Variants in MROH2A observed in about 807,000 individuals in gnomAD.
MROH2A encodes maestro heat-like repeat-containing protein family member 2A.
A neutral mutation model predicts 200.4 loss-of-function variants in MROH2A; 174 were observed. The ratio of observed to expected loss-of-function variants is 0.87; its 90% CI spans 0.77 to 0.98. The LOEUF (loss-of-function observed/expected upper bound fraction) is 0.98, where lower values mean the gene tolerates loss of function less well. Among genes scored for constraint, MROH2A ranks in the 50% least tolerant of loss-of-function variants. The pLI, the probability that MROH2A is intolerant of heterozygous loss-of-function variation, is 0.00. For missense variants in MROH2A, 2,045 were observed against 2,139.6 expected, an observed-to-expected ratio of 0.96 and a Z score of 0.87; for synonymous variants, 829 against 840.4, an observed-to-expected ratio of 0.99 and a Z score of 0.23.
Position 233,792,825 on chromosome 2 carries a change from AC to A in MROH2A, c.604del (p.Leu202TrpfsTer8). 6.5e-7 allele frequency: 1 copy of A among 1,550,284 alleles called. No individual in the cohort carries two copies. ...VFEFMPYMGI[T>X]LATIFTMLRL... is the part of the protein sequence containing the mutation. ...TGAGTTCATGCCATACATGGGCATC[AC>A]CCTGGCTACCATATTCACCATGCTG... On this transcript the variant is annotated frameshift_variant, in exon 6 of 42. Coordinates refer to ENST00000389758, the MANE Select transcript of MROH2A (RefSeq NM_001394639.1). LOFTEE classifies it high-confidence loss of function.
Position 233,795,806 on chromosome 2 carries a change from C to T in MROH2A, c.1059+61C>T, listed in dbSNP as rs528552858. On this transcript the variant is annotated intron_variant, in intron 9 of 41. Transcript: ENST00000389758. The stretch of plus-strand genomic sequence containing the variant: ...TCTGGGTGGATCAGCAGGAAGCTGG[C>T]GGCGGGAGGTGGCCTGGCCCACAAC... The T allele has an allele frequency of 6.4e-5, 99 of 1,550,250 alleles. 2 individuals carry two copies. The highest frequency in any genetic ancestry group is 3.3e-4 in the South Asian group (28 of 84,036).
At position 233,799,864 on chromosome 2, in the gene MROH2A, C is replaced by T. The variant is rs1352411210; in HGVS notation, c.1414C>T (p.Leu472=). ...AATCAAAGGCTGGGGCCTGAAGTACCTGTCTGTGCAGCTGACCTTATCCAC... is the reference window on the plus strand; with the variant it reads ...AATCAAAGGCTGGGGCCTGAAGTACTTGTCTGTGCAGCTGACCTTATCCAC... ...ERIKGWGLKY[L]SVQLTLSTYK... The change falls in exon 13 of 42, where the codon CTG becomes TTG. Residue 472 remains leucine, a synonymous_variant. Transcript: ENST00000389758. 6.4e-7 allele frequency: 1 copy of T among 1,550,454 alleles called. No homozygotes were observed. Among genetic ancestry groups the T allele is most frequent in the African/African-American group, 1.4e-5 (1 of 73,022 alleles).
chr2:233,800,935 GC>G (rs1228983136), intron 14 of MROH2A, among the ~76,000 whole-genome samples: 4 of 152,172 alleles, frequency 2.6e-5, no homozygotes, highest in Admixed American at 6.6e-5. Flanking sequence ...TCCAGCGACA[GC>G]TTTTTTTAAT....
chr2:233,800,177 G>A (rs1361083248), intron 13 of MROH2A, 28 bp from the exon 14 acceptor site: 6 of 1,491,202 alleles, frequency 4.0e-6, no homozygotes, highest in Non-Finnish European at 5.5e-6. Flanking sequence ...TAGGCCACAG[G>A]TGGGAATCCC....
At chr2:233,802,479 T>A in intron 15 of MROH2A, 164 bp downstream of exon 15, 1 of 741,902 alleles carries the variant, frequency 1.3e-6, no homozygotes, top group Non-Finnish European at 2.2e-6. Flanking sequence ...TATTAATGCC[T>A]ACCTGATCAT....
chr2:233,780,284 C>T (rs1559428752), intron 3 of MROH2A, among the ~76,000 whole-genome samples: 2 of 152,170 alleles, frequency 1.3e-5, no homozygotes, highest in South Asian at 2.1e-4. Flanking sequence ...GTTTGCATCA[C>T]GTGGTACCAG....
chr2:233,786,891 T>C (rs185329560), intron 3 of MROH2A, among the ~76,000 whole-genome samples: 1 of 152,354 alleles, frequency 6.6e-6, no homozygotes, highest in East Asian at 1.9e-4. Context: ...ATGAGAATTT[T>C]ACCTGTGCTT....
At chr2:233,796,655 C>T (rs150329302) in intron 11 of MROH2A, among the ~76,000 whole-genome samples, 208 of 152,302 alleles carry the variant, frequency 1.4e-3, no homozygotes, top group Non-Finnish European at 2.6e-3. Flanking sequence ...ATAGTCTACA[C>T]ATCTGATTCC....
intron 31 of MROH2A, 150 bp from the exon 32 acceptor site, chr2:233,821,974 G>A (rs540142770): frequency 9.3e-6 from 8 of 859,586 alleles, no homozygotes; most frequent in African/African-American, 1.7e-5. Flanking sequence ...TTCTAAGCAC[G>A]CAAATTTTGG....
intron 3 of MROH2A, among the ~76,000 whole-genome samples, chr2:233,780,442 C>A (rs1700902806): frequency 6.6e-6 from 1 of 152,198 alleles, no homozygotes; most frequent in Admixed American, 6.5e-5. Flanking sequence ...CAAGGCTGAT[C>A]TGGAGAGCCT....
At chr2:233,822,639 C>A in intron 33 of MROH2A, 83 bp downstream of exon 33, 1 of 1,383,730 alleles carries the variant, frequency 7.2e-7, no homozygotes, top group Non-Finnish European at 9.8e-7. Flanking sequence ...CAGTGGACTC[C>A]AGTGAGGGGC....
At chr2:233,810,248 A>C (rs1257416262) in intron 22 of MROH2A, among the ~76,000 whole-genome samples, 1 of 152,194 alleles carries the variant, frequency 6.6e-6, no homozygotes, top group Non-Finnish European at 1.5e-5. Flanking sequence ...TGAAACTGGG[A>C]ACAAAAAGAG....
At chr2:233,776,931 C>T (rs191049238), upstream of MROH2A, among the ~76,000 whole-genome samples, 19 of 152,266 alleles carry the variant, frequency 1.2e-4, no homozygotes, top group East Asian at 3.7e-3. Context: ...GAACCCTGTC[C>T]AGCTGCTATG....
intron 10 of MROH2A, 33 bp downstream of exon 10, chr2:233,796,078 C>A: frequency 6.5e-7 from 1 of 1,545,900 alleles, no homozygotes. Context: ...TCCCTGCCTG[C>A]CCCGAGGCCT....
In MROH2A at chr2:233,809,218, C is replaced by A. The variant is rs763083059; in HGVS notation, c.2388C>A (p.Leu796=). Residue 796 remains leucine (L), a synonymous_variant, in exon 22 of 42, where the codon CTC becomes CTA. Coordinates refer to ENST00000389758, the MANE Select transcript of MROH2A (RefSeq NM_001394639.1). ...VASYCHPQLL[L]NLVDSPITAK... Reference sequence around the variant, plus strand: ...CCTACTGCCACCCCCAGTTGCTCCTCAACCTCGTGGACAGCCCCATCACCG... The same window carrying A: ...CCTACTGCCACCCCCAGTTGCTCCTAAACCTCGTGGACAGCCCCATCACCG... 4.5e-6 allele frequency: 7 copies of A among 1,550,486 alleles called. No homozygotes were observed. The African/African-American group carries it at 9.6e-5, about 21-fold the overall frequency.
chr2:233,802,360 T>C, intron 15 of MROH2A, 45 bp downstream of exon 15: 1 of 1,519,248 alleles, frequency 6.6e-7, no homozygotes, highest in South Asian at 1.3e-5. Context: ...GCAGGTGGGC[T>C]GGCTCCTTGT....
At chr2:233,816,672 G>T in intron 26 of MROH2A, 109 bp from the exon 27 acceptor site, 1 of 644,878 alleles carries the variant, frequency 1.6e-6, no homozygotes, top group South Asian at 1.9e-5. Context: ...CCACAAGGAA[G>T]CATTGAAAGT....
chr2:233,789,001 C>T (rs1359049480), intron 3 of MROH2A, among the ~76,000 whole-genome samples: 4 of 137,232 alleles, frequency 2.9e-5, no homozygotes, highest in Non-Finnish European at 4.7e-5. Flanking sequence ...TAAAAGTATT[C>T]TCAAATACGA....
At position 233,818,101 on chromosome 2, in the gene MROH2A, C is replaced by T. The variant is rs1703671410; in HGVS notation, c.3061C>T (p.Leu1021=). The change falls in exon 28 of 42, where the codon CTG becomes TTG. Residue 1021 remains leucine (L), a synonymous_variant. Transcript: ENST00000389758. ...AACCCGCATGGCCTCAATGAATGTC[C>T]TGTCCAGCCTGCTAGATCTTCACGG... ...QRTRMASMNV[L]SSLLDLHASQ... is the part of the protein sequence containing the mutation. The T allele has an allele frequency of 6.4e-7, 1 of 1,550,844 alleles. No homozygotes were observed. The highest frequency in any genetic ancestry group is 1.4e-5 in the African/African-American group (1 of 73,174).
Sources: allele counts gnomAD v4.1 joint callset (sites outside exome capture counted in the v4.1 genomes callset), GRCh38; gene constraint gnomAD v4.1.1; transcripts MANE v1.5; gene names NCBI Gene and HGNC (gene_info 2026-07-23, HGNC 2026-07-21).